RBBP8: variants seen among roughly 807,000 people sequenced by gnomAD.
RBBP8 encodes the protein DNA endonuclease RBBP8.
A neutral mutation model predicts 108.3 loss-of-function variants in RBBP8; 88 were observed. The observed-to-expected ratio is 0.81, with a 90% confidence interval of 0.68 to 0.97. The LOEUF (loss-of-function observed/expected upper bound fraction) is 0.97, where lower values mean the gene tolerates loss of function less well. Ranked by LOEUF, RBBP8 falls within the 50% of genes least tolerant of loss-of-function variation. RBBP8 has a pLI of 0.00. For synonymous variants in RBBP8, 332 were observed against 348.2 expected, an observed-to-expected ratio of 0.95 and a Z score of 0.52; for missense variants, 1,023 against 1,049.0, an observed-to-expected ratio of 0.98 and a Z score of 0.34.
chr18:22,955,321 A>G (rs1481480774), intron 4 of RBBP8, among the ~76,000 whole-genome samples: 2 of 152,174 alleles, frequency 1.3e-5, no homozygotes, highest in African/African-American at 4.8e-5. Context: ...TGCAAATCCA[A>G]AATTTCCTGT....
At chr18:23,008,823 G>C (rs2046105511) in intron 16 of RBBP8, among the ~76,000 whole-genome samples, 1 of 141,864 alleles carries the variant, frequency 7.0e-6, no homozygotes, top group South Asian at 2.2e-4. Flanking sequence ...ACCCAGGCTG[G>C]AGTGCAGTGG....
chr18:22,996,996 T>C (rs1173370964), intron 13 of RBBP8, among the ~76,000 whole-genome samples: 3 of 152,288 alleles, frequency 2.0e-5, no homozygotes, highest in African/African-American at 7.2e-5. Context: ...CAAGACCCTG[T>C]CTCATAAATT....
chr18:23,016,719 T>G, intron 16 of RBBP8, 109 bp from the exon 17 acceptor site: 1 of 864,128 alleles, frequency 1.2e-6, no homozygotes, highest in African/African-American at 1.7e-5. Flanking sequence ...CGAAGCAATA[T>G]TTTTCTAACA....
intron 16 of RBBP8, among the ~76,000 whole-genome samples, chr18:23,014,155 C>T (rs1052476540): frequency 2.0e-5 from 3 of 151,618 alleles, no homozygotes; most frequent in Admixed American, 6.6e-5. Flanking sequence ...TGTGCCACCA[C>T]GCCTGGCTAA....
intron 15 of RBBP8, 21 bp downstream of exon 15, chr18:23,001,750 ATT>A (rs768749724): frequency 1.2e-6 from 2 of 1,613,894 alleles, no homozygotes; most frequent in South Asian, 2.2e-5. Context: ...TTTCTGTTTA[ATT>A]ATGGCTTCTC....
chr18:22,927,873 C>T (rs1209182793), intron 3 of RBBP8, among the ~76,000 whole-genome samples: 2 of 140,462 alleles, frequency 1.4e-5, no homozygotes, highest in African/African-American at 5.4e-5. Context: ...CCAGCCTGGG[C>T]AACAGAGTGA....
intron 17 of RBBP8, among the ~76,000 whole-genome samples, chr18:23,018,566 C>T (rs377260352): frequency 6.6e-6 from 1 of 152,104 alleles, no homozygotes; most frequent in African/African-American, 2.4e-5. Context: ...ATAACCTATG[C>T]ATATTCTTTC....
intron 4 of RBBP8, among the ~76,000 whole-genome samples, chr18:22,967,202 GA>G (rs760090254): frequency 6.6e-6 from 1 of 151,728 alleles, no homozygotes; most frequent in Admixed American, 6.6e-5. Context: ...CCATCTCTAT[GA>G]AAAATACAAA....
At position 22,982,390 on chromosome 18, in the gene RBBP8, A is replaced by C. The variant is rs1272138723; in HGVS notation, c.601A>C (p.Asn201His). Residue 201 changes from asparagine (N) to histidine (H), a missense_variant, in exon 7 of 19, where the codon AAT becomes CAT. By Grantham distance (68) the Asn-to-His change is moderately conservative (BLOSUM62 1). Coordinates refer to ENST00000327155, the MANE Select transcript of RBBP8 (RefSeq NM_002894.3). ...HTKLEHSVCA[N>H]EMRKVSKSST... The stretch of plus-strand genomic sequence containing the variant: ...TAAATTGGAGCACTCTGTGTGTGCA[A>C]ATGGTAAGAGTTGGAGTTGTATTTT... 6.2e-7 allele frequency: 1 copy of C among 1,613,830 alleles called. No homozygotes were observed. Among genetic ancestry groups the C allele is most frequent in the South Asian group, 1.1e-5 (1 of 91,070 alleles).
chr18:22,939,233 A>G (rs1910844328), intron 2 of RBBP8, among the ~76,000 whole-genome samples: 1 of 152,188 alleles, frequency 6.6e-6, no homozygotes. Flanking sequence ...TAGGCTGGGC[A>G]CGGTGGCTCA....
intron 12 of RBBP8, 108 bp from the exon 13 acceptor site, chr18:22,996,266 A>G (rs2045855398): frequency 6.6e-7 from 1 of 1,518,444 alleles, no homozygotes; most frequent in Non-Finnish European, 8.8e-7. Context: ...CCTTTACCAG[A>G]CATATGATTT....
At chr18:23,009,422 A>C (rs1198130115) in intron 16 of RBBP8, among the ~76,000 whole-genome samples, 2 of 151,410 alleles carry the variant, frequency 1.3e-5, no homozygotes, top group Non-Finnish European at 2.9e-5. Flanking sequence ...TTTTGCAGTT[A>C]TGCCACCAAC....
intron 16 of RBBP8, among the ~76,000 whole-genome samples, chr18:23,007,965 A>T (rs1240262121): frequency 6.6e-6 from 1 of 151,852 alleles, no homozygotes; most frequent in African/African-American, 2.4e-5. Context: ...GGTGCCCACC[A>T]CAACACCTGG....
In RBBP8 at chr18:22,975,209, C is replaced by A. The variant is rs1914413854; in HGVS notation, c.418C>A (p.Gln140Lys). 1 of 1,612,450 alleles carries A rather than the reference C, an allele frequency of 6.2e-7. No homozygotes were observed. Among genetic ancestry groups the A allele is most frequent in the Non-Finnish European group, 8.5e-7 (1 of 1,179,194 alleles). The stretch of plus-strand genomic sequence containing the variant: ...TAAAAAGCTTTCTGAACAACTCCAG[C>A]AGAAAATTGAGTAAGTATTTTCCTC... ...ENKKLSEQLQ[Q>K]KIENDQQHQA... The change falls in exon 6 of 19, where the codon CAG becomes AAG. Residue 140 changes from glutamine to lysine, a missense_variant. Transcript: ENST00000327155.
intron 3 of RBBP8, among the ~76,000 whole-genome samples, chr18:22,918,586 G>A (rs1909458087): frequency 6.6e-6 from 1 of 152,120 alleles, no homozygotes; most frequent in Non-Finnish European, 1.5e-5. Context: ...TTCAGTGCAT[G>A]GCTGTACCTT....
chr18:22,941,680 C>A (rs1911095278), intron 2 of RBBP8, among the ~76,000 whole-genome samples: 1 of 151,860 alleles, frequency 6.6e-6, no homozygotes, highest in Non-Finnish European at 1.5e-5. Flanking sequence ...TAGATAATTC[C>A]TTTAAAGTGT....
chr18:22,940,557 T>G (rs919206382), intron 2 of RBBP8, among the ~76,000 whole-genome samples: 1 of 151,964 alleles, frequency 6.6e-6, no homozygotes, highest in Admixed American at 6.5e-5. Flanking sequence ...CCCGACCTCG[T>G]GATCCGCCCG....
intron 14 of RBBP8, among the ~76,000 whole-genome samples, chr18:22,997,955 C>G (rs941504278): frequency 2.0e-4 from 30 of 152,048 alleles, no homozygotes; most frequent in African/African-American, 7.0e-4. Context: ...ATATGGCTTC[C>G]AGGGATTTGC....
chr18:22,937,617 C>A (rs997048688), intron 2 of RBBP8, among the ~76,000 whole-genome samples: 2 of 150,942 alleles, frequency 1.3e-5, no homozygotes, highest in Non-Finnish European at 3.0e-5. Flanking sequence ...TAGTTGGGAC[C>A]ATAGGCACAC....
Sources: allele counts gnomAD v4.1 joint callset (sites outside exome capture counted in the v4.1 genomes callset), GRCh38; gene constraint gnomAD v4.1.1; transcripts MANE v1.5; gene names NCBI Gene and HGNC (gene_info 2026-07-23, HGNC 2026-07-21).